KIF26B: variants seen among roughly 807,000 people sequenced by gnomAD.
The protein encoded by KIF26B is kinesin family member 26B.
KIF26B carries 63 observed loss-of-function variants against 151.2 expected under a neutral mutation model. The observed-to-expected ratio is 0.42, with a 90% CI of 0.34 to 0.51. The LOEUF (loss-of-function observed/expected upper bound fraction) is 0.51. KIF26B is among the 20% of genes least tolerant of loss of function. The pLI is 0.07. For missense variants in KIF26B, 2,813 were observed against 2,913.6 expected, an observed-to-expected ratio of 0.97 and a Z score of 0.79; for synonymous variants, 1,357 against 1,262.1, an observed-to-expected ratio of 1.08 and a Z score of -1.59.
intron 9 of KIF26B, among the ~76,000 whole-genome samples, chr1:245,634,532 C>T (rs987607284): frequency 6.6e-6 from 1 of 152,114 alleles, no homozygotes; most frequent in Non-Finnish European, 1.5e-5. Context: ...GATTTTTTAT[C>T]AGGAATGACT....
rs148684201 is a variant in KIF26B at position 245,325,773 on chromosome 1, G to A, written c.466-41061G>A. 6.9e-3 allele frequency among the ~76,000 whole-genome samples: 1,050 copies of A among 152,178 alleles called. 12 individuals carry two copies. Among genetic ancestry groups the A allele is most frequent in the African/African-American group, 0.024 (981 of 41,518 alleles). On this transcript the variant is annotated intron_variant, in intron 2 of 14. Transcript: ENST00000407071. ...GCCTTCTGATTCTAGGAATAGGAACGTCAATTCAATCCAATGAATCCTGGG... is the reference window on the plus strand; with the variant it reads ...GCCTTCTGATTCTAGGAATAGGAACATCAATTCAATCCAATGAATCCTGGG...
At chr1:245,389,249 G>C (rs1179434335) in intron 3 of KIF26B, among the ~76,000 whole-genome samples, 1 of 152,130 alleles carries the variant, frequency 6.6e-6, no homozygotes, top group African/African-American at 2.4e-5. Flanking sequence ...GAGTAGCTGG[G>C]ATTACAGGCA....
intron 4 of KIF26B, among the ~76,000 whole-genome samples, chr1:245,505,251 T>G (rs1038841274): frequency 3.4e-5 from 5 of 145,580 alleles, no homozygotes; most frequent in Non-Finnish European, 6.1e-5. Flanking sequence ...TTTTTTTTTT[T>G]TAATAAGTCT....
intron 3 of KIF26B, among the ~76,000 whole-genome samples, chr1:245,417,330 C>T (rs1471605950): frequency 6.6e-6 from 1 of 150,594 alleles, no homozygotes; most frequent in Non-Finnish European, 1.5e-5. Flanking sequence ...AGAAGAGGGG[C>T]AGTTAAAGGA....
intron 5 of KIF26B, among the ~76,000 whole-genome samples, chr1:245,561,378 G>A (rs532255388): frequency 1.9e-3 from 292 of 152,234 alleles, no homozygotes; most frequent in Non-Finnish European, 2.5e-3. Flanking sequence ...AAATGAGAAC[G>A]GCAGTCATCT....
chr1:245,546,107 C>T (rs1372262310), intron 5 of KIF26B, among the ~76,000 whole-genome samples: 2 of 152,298 alleles, frequency 1.3e-5, no homozygotes, highest in Non-Finnish European at 2.9e-5. Flanking sequence ...AAGAGAAAGA[C>T]AAGATTTCTG....
chr1:245,266,593 C>T (rs544735355), intron 2 of KIF26B, among the ~76,000 whole-genome samples: 19 of 152,076 alleles, frequency 1.2e-4, no homozygotes, highest in South Asian at 4.1e-4. Flanking sequence ...CTGCAACCTC[C>T]GCTTCCCGGG....
At chr1:245,406,925 C>T (rs1674148028) in intron 3 of KIF26B, among the ~76,000 whole-genome samples, 1 of 151,982 alleles carries the variant, frequency 6.6e-6, no homozygotes, top group Non-Finnish European at 1.5e-5. Context: ...GTAGCTGGGA[C>T]TACAGGTGCG....
chr1:245,686,611 A>G lies in KIF26B; in HGVS notation c.3628A>G (p.Ile1210Val), dbSNP rs1025715337. The G allele has an allele frequency of 1.2e-6, 2 of 1,611,636 alleles. No individual in the cohort carries two copies. Among genetic ancestry groups the G allele is most frequent in the Non-Finnish European group, 1.7e-6 (2 of 1,179,232 alleles). Reference sequence around the variant, plus strand: ...CCTGGACAGCGGCCGCCCCACCAGCATCATCAGCTTCAACAGCGACTGCTC... The same window carrying G: ...CCTGGACAGCGGCCGCCCCACCAGCGTCATCAGCTTCAACAGCGACTGCTC... The part of the protein sequence containing the change: ...GVLDSGRPTS[I>V]ISFNSDCSAR... Residue 1210 changes from isoleucine to valine, a missense_variant, in exon 12 of 15, where the codon ATC becomes GTC. Transcript: ENST00000407071. This position sits in a 1 kb window ranked among gnomAD's most constrained non-coding sequence, Gnocchi z 5.6.
chr1:245,419,110 C>A (rs553493183), intron 3 of KIF26B, among the ~76,000 whole-genome samples: 1 of 152,338 alleles, frequency 6.6e-6, no homozygotes, highest in East Asian at 1.9e-4. Context: ...ACCAGCACCA[C>A]CAAATACCGT....
chr1:245,309,256 G>A (rs1208255822), intron 2 of KIF26B, among the ~76,000 whole-genome samples: 3 of 152,112 alleles, frequency 2.0e-5, no homozygotes, highest in Non-Finnish European at 4.4e-5. Flanking sequence ...ACTGGGCCGC[G>A]GGATGCCCAG....
At chr1:245,504,051 T>G (rs1304921438) in intron 4 of KIF26B, among the ~76,000 whole-genome samples, 3 of 152,148 alleles carry the variant, frequency 2.0e-5, no homozygotes, top group Admixed American at 2.0e-4. Flanking sequence ...CTGAATAAAG[T>G]ACTAGTTCCC....
At chr1:245,303,375 T>A (rs1671474749) in intron 2 of KIF26B, among the ~76,000 whole-genome samples, 3 of 147,466 alleles carry the variant, frequency 2.0e-5, no homozygotes, top group Non-Finnish European at 4.4e-5. Flanking sequence ...ATTTTTTGTA[T>A]TTTTAGTAGA....
At chr1:245,521,340 TAA>T (rs5782356) in intron 4 of KIF26B, among the ~76,000 whole-genome samples, 31,430 of 136,050 alleles carry the variant, frequency 0.23, 4,025 homozygotes, top group East Asian at 0.47. Flanking sequence ...GACTCCGTCT[TAA>T]AAAAAAAAAA....
intron 5 of KIF26B, among the ~76,000 whole-genome samples, chr1:245,574,990 G>A (rs1453995119): frequency 1.4e-5 from 2 of 147,644 alleles, no homozygotes; most frequent in African/African-American, 2.5e-5. Flanking sequence ...TCAGCCTCCC[G>A]AGTAGCTGGG....
chr1:245,228,652 A>G (rs966979685), intron 2 of KIF26B, among the ~76,000 whole-genome samples: 1 of 152,174 alleles, frequency 6.6e-6, no homozygotes, highest in Non-Finnish European at 1.5e-5. Flanking sequence ...ACAATAAAAT[A>G]CAATTATTGA....
chr1:245,656,192 A>G (rs1270389041), intron 10 of KIF26B, among the ~76,000 whole-genome samples: 1 of 151,830 alleles, frequency 6.6e-6, no homozygotes, highest in African/African-American at 2.4e-5. Flanking sequence ...AGTAACTGAT[A>G]ATATACGCAC....
chr1:245,402,864 A>C (rs1378190897), intron 3 of KIF26B, among the ~76,000 whole-genome samples: 1 of 152,222 alleles, frequency 6.6e-6, no homozygotes, highest in Non-Finnish European at 1.5e-5. Flanking sequence ...AAGTATTTAC[A>C]CATCAAAAAA....
chr1:245,679,400 A>AT (rs1171536338), intron 10 of KIF26B, among the ~76,000 whole-genome samples: 1 of 127,662 alleles, frequency 7.8e-6, no homozygotes, highest in Non-Finnish European at 1.7e-5. Context: ...GTGTTCACTG[A>AT]TTTTAAAAAG....
Sources: allele counts gnomAD v4.1 joint callset (sites outside exome capture counted in the v4.1 genomes callset), GRCh38; gene constraint gnomAD v4.1.1; non-coding constraint Gnocchi (gnomAD v3.1); transcripts MANE v1.5; gene names NCBI Gene and HGNC (gene_info 2026-07-23, HGNC 2026-07-21).